Variants in GRIP1 observed in about 807,000 individuals in gnomAD.
GRIP1 encodes glutamate receptor-interacting protein 1.
A neutral mutation model predicts 129.9 loss-of-function variants in GRIP1; 45 were observed. The ratio of observed to expected loss-of-function variants is 0.35; its 90% CI spans 0.27 to 0.44. The LOEUF is 0.44. Ranked by LOEUF, GRIP1 falls within the 20% of genes least tolerant of loss-of-function variation. GRIP1 has a pLI of 1.00. For missense variants in GRIP1, 1,196 were observed against 1,396.8 expected (o/e 0.86, Z 2.29); for synonymous variants, 530 against 520.8 (o/e 1.02, Z -0.24).
intron 1 of GRIP1, among the ~76,000 whole-genome samples, chr12:66,657,890 G>C (rs1230553961): frequency 6.6e-6 from 1 of 152,152 alleles, no homozygotes; most frequent in African/African-American, 2.4e-5. Flanking sequence ...TTTAAAGTTT[G>C]CTCTTAAATG....
chr12:67,038,161 C>T (rs975060772), intron 1 of GRIP1, among the ~76,000 whole-genome samples: 3 of 152,068 alleles, frequency 2.0e-5, no homozygotes, highest in East Asian at 3.9e-4. Context: ...TTACTAAAAG[C>T]GGGGGACTTC....
chr12:66,669,180 A>G (rs2033949408), intron 1 of GRIP1, among the ~76,000 whole-genome samples: 2 of 152,150 alleles, frequency 1.3e-5, no homozygotes, highest in African/African-American at 4.8e-5. Flanking sequence ...TGGGAGGCCA[A>G]GGTGGGCAGA....
chr12:66,585,186 TG>T (rs1220854731), intron 2 of GRIP1, among the ~76,000 whole-genome samples: 127 of 148,354 alleles, frequency 8.6e-4, no homozygotes, highest in African/African-American at 3.1e-3. Context: ...TGTGCCATGC[TG>T]GTGTGCTGCA....
chr12:66,759,858 ATT>A (rs60298525), intron 1 of GRIP1, among the ~76,000 whole-genome samples: 86 of 144,626 alleles, frequency 5.9e-4, no homozygotes, highest in Middle Eastern at 3.5e-3. Flanking sequence ...TACTATCAAC[ATT>A]TTTTTTTTTT....
intron 1 of GRIP1, among the ~76,000 whole-genome samples, chr12:66,809,846 C>T (rs1220494237): frequency 1.3e-5 from 2 of 151,938 alleles, no homozygotes; most frequent in African/African-American, 4.8e-5. Flanking sequence ...TGTTTTGAGA[C>T]AGACAGGGTT....
intron 19 of GRIP1, among the ~76,000 whole-genome samples, chr12:66,391,544 T>C (rs2056586483): frequency 6.6e-6 from 1 of 152,248 alleles, no homozygotes; most frequent in South Asian, 2.1e-4. Context: ...ATTGTGATTA[T>C]AGTGCTCTAA....
intron 5 of GRIP1, among the ~76,000 whole-genome samples, chr12:66,519,394 G>A (rs2060937189): frequency 6.6e-6 from 1 of 152,086 alleles, no homozygotes; most frequent in African/African-American, 2.4e-5. Context: ...TGTAAATACT[G>A]TTACATAATT....
chr12:66,804,646 G>A (rs75686700), upstream of GRIP1, among the ~76,000 whole-genome samples: 90 of 152,196 alleles, frequency 5.9e-4, 2 homozygotes, highest in East Asian at 0.015. Context: ...AGGGAGGGCC[G>A]GGGAAACACA....
chr12:66,387,237 T>G (rs2056396192), intron 19 of GRIP1, among the ~76,000 whole-genome samples: 1 of 152,242 alleles, frequency 6.6e-6, no homozygotes, highest in Non-Finnish European at 1.5e-5. Context: ...AAAGTACATG[T>G]GATCCCATCT....
At chr12:67,020,195 G>A (rs1284847231) in intron 1 of GRIP1, among the ~76,000 whole-genome samples, 1 of 152,018 alleles carries the variant, frequency 6.6e-6, no homozygotes, top group Non-Finnish European at 1.5e-5. Flanking sequence ...TTTTTATCAT[G>A]TTGTGCAGAG....
intron 1 of GRIP1, among the ~76,000 whole-genome samples, chr12:66,882,202 T>A (rs2040490007): frequency 1.4e-5 from 1 of 69,282 alleles, no homozygotes. Flanking sequence ...ACACATAGTG[T>A]GCCATCACAA....
At chr12:66,704,619 G>A (rs565152132) in intron 1 of GRIP1, among the ~76,000 whole-genome samples, 3 of 152,214 alleles carry the variant, frequency 2.0e-5, no homozygotes, top group African/African-American at 4.8e-5. Context: ...TCTGCAGAAT[G>A]TGTACCCCTA....
chr12:66,584,856 C>T (rs1444642305), intron 2 of GRIP1, among the ~76,000 whole-genome samples: 8 of 151,828 alleles, frequency 5.3e-5, no homozygotes, highest in Non-Finnish European at 7.4e-5. Context: ...TCTCCTTCCC[C>T]TCCATACTCT....
intron 23 of GRIP1, among the ~76,000 whole-genome samples, chr12:66,369,340 CTTTTTTTT>C (rs758593628): frequency 0.013 from 1,372 of 106,760 alleles, 83 homozygotes; most frequent in Admixed American, 0.11. Flanking sequence ...TTAACAAGAT[CTTTTTTTT>C]TTTTTTTTTT....
At chr12:66,390,267 T>A (rs1457637579) in intron 19 of GRIP1, among the ~76,000 whole-genome samples, 2 of 152,150 alleles carry the variant, frequency 1.3e-5, no homozygotes, top group Non-Finnish European at 2.9e-5. Context: ...TCAGCTCCCA[T>A]GTTCGTCACA....
At chr12:66,444,816 C>CA in intron 12 of GRIP1, 87 bp from the exon 13 acceptor site, 1 of 1,363,954 alleles carries the variant, frequency 7.3e-7, no homozygotes, top group Non-Finnish European at 1.0e-6. Context: ...TTGATCCTTG[C>CA]AAAATAGCAT....
intron 5 of GRIP1, among the ~76,000 whole-genome samples, chr12:66,527,969 T>C (rs941497654): frequency 6.6e-6 from 1 of 151,864 alleles, no homozygotes; most frequent in East Asian, 1.9e-4. Flanking sequence ...GAACCTAAGA[T>C]AGAAGTTGGA....
chr12:66,645,154 A>G (rs2032256161), intron 1 of GRIP1, among the ~76,000 whole-genome samples: 1 of 152,222 alleles, frequency 6.6e-6, no homozygotes, highest in African/African-American at 2.4e-5. Context: ...GAAATACTGG[A>G]ATGGGCTAAT....
At chr12:66,582,568 C>T (rs1026935909) in intron 2 of GRIP1, among the ~76,000 whole-genome samples, 1 of 139,184 alleles carries the variant, frequency 7.2e-6, no homozygotes, top group Non-Finnish European at 1.6e-5. Flanking sequence ...TCTCAGGATA[C>T]AAAATCAACG....
Sources: gnomAD v4.1 joint callset for allele counts (sites outside exome capture counted in the v4.1 genomes callset) on GRCh38, gnomAD v4.1.1 for gene constraint, MANE v1.5 for transcripts, NCBI Gene and HGNC (gene_info 2026-07-23, HGNC 2026-07-21) for gene names.